The following SPICE1 variants were observed in gnomAD, a reference collection of about 807,000 sequenced individuals.
SPICE1 encodes spindle and centriole-associated protein 1.
SPICE1 carries 75 observed loss-of-function variants against 102.7 expected under a neutral mutation model. That is an observed-to-expected ratio of 0.73 (90% CI 0.61 to 0.88). SPICE1 has a LOEUF of 0.88. SPICE1 is among the 40% of genes least tolerant of loss of function. The pLI is 0.00. For missense variants in SPICE1, 979 were observed against 1,020.1 expected, an observed-to-expected ratio of 0.96 and a Z score of 0.55; for synonymous variants, 308 against 350.3, an observed-to-expected ratio of 0.88 and a Z score of 1.35.
chr3:113,488,828 A>G, intron 7 of SPICE1, 117 bp downstream of exon 7: 1 of 640,256 alleles, frequency 1.6e-6, no homozygotes, highest in Non-Finnish European at 2.7e-6. Flanking sequence ...ACCAAAATAA[A>G]CAAATTTTTA....
In SPICE1 at chr3:113,493,077, A is replaced by C. The variant is rs145979585; in HGVS notation, c.492+129T>G. The C allele has an allele frequency of 9.0e-4, 580 of 646,728 alleles. 4 individuals carry two copies. The African/African-American group carries it at 9.8e-3, about 11-fold the overall frequency. 40.1% of individuals were successfully genotyped at this position (646,728 alleles called of 1,614,324 possible). A position where few individuals can be genotyped will look rare whatever the true frequency, so the allele number is the denominator to read the frequency against. On this transcript the variant is annotated intron_variant, in intron 6 of 17. Transcript: ENST00000295872. The stretch of plus-strand genomic sequence containing the variant: ...TACTCACAGAAAGTGCAATACACTT[A>C]AGAGCAAATCTAGCAACCACAACTA...
In SPICE1 at chr3:113,459,858, G is replaced by C. The variant is rs377758830; in HGVS notation, c.1435+759C>G. Reference sequence around the variant, plus strand: ...GAGGGCGCCACTACACTCCAGCCTGGGTGACAGAGCGAAACTCCATCTCAA... The same window carrying C: ...GAGGGCGCCACTACACTCCAGCCTGCGTGACAGAGCGAAACTCCATCTCAA... On this transcript the variant is annotated intron_variant, in intron 12 of 17. Coordinates refer to ENST00000295872, the MANE Select transcript of SPICE1 (RefSeq NM_144718.4). The C allele has an allele frequency of 4.4e-5, 43 of 980,876 alleles. 1 individual carries two copies. The South Asian group carries it at 1.7e-3, about 38-fold the overall frequency. 60.8% of individuals were successfully genotyped at this position (980,876 alleles called of 1,614,324 possible). A position where few individuals can be genotyped will look rare whatever the true frequency, so the allele number is the denominator to read the frequency against.
intron 7 of SPICE1, among the ~76,000 whole-genome samples, chr3:113,482,810 T>G (rs1452006520): frequency 2.0e-5 from 3 of 152,192 alleles, no homozygotes; most frequent in Non-Finnish European, 2.9e-5. Flanking sequence ...TACTGCAGCC[T>G]TGTAGTATAG....
At chr3:113,502,093 G>C (rs2107503181) in intron 3 of SPICE1, among the ~76,000 whole-genome samples, 1 of 152,276 alleles carries the variant, frequency 6.6e-6, no homozygotes, top group Middle Eastern at 3.4e-3. Flanking sequence ...GAACTACTAT[G>C]AGCTGGGCGT....
At chr3:113,493,139 A>C in intron 6 of SPICE1, 67 bp downstream of exon 6, 1 of 1,145,904 alleles carries the variant, frequency 8.7e-7, no homozygotes, top group Non-Finnish European at 1.2e-6. Flanking sequence ...AATATTTACC[A>C]CAAGGCCTAT....
intron 15 of SPICE1, 46 bp from the exon 16 acceptor site, chr3:113,448,186 TAAAA>T: frequency 2.0e-6 from 3 of 1,486,676 alleles, no homozygotes; most frequent in Non-Finnish European, 2.7e-6. Context: ...TTCAATGAAA[TAAAA>T]ATTTCACTCA....
chr3:113,514,886 C>A lies in SPICE1; in HGVS notation c.-1+11G>T. On this transcript the variant is annotated intron_variant, in intron 1 of 17. Coordinates refer to ENST00000295872, the MANE Select transcript of SPICE1 (RefSeq NM_144718.4). ...GCACAAACATACCCAGACACGCACC[C>A]TGACACGTACTTGCACTCTCAAAAC... 2 of 1,200,574 alleles carry A rather than the reference C, an allele frequency of 1.7e-6. No individual in the cohort carries two copies. The highest frequency in any genetic ancestry group is 3.0e-5 in the South Asian group (2 of 66,988). The allele number at this position is 1,200,574 out of a possible 1,614,324, so 74.4% of individuals were successfully genotyped here. A position where few individuals can be genotyped will look rare whatever the true frequency, so the allele number is the denominator to read the frequency against.
intron 1 of SPICE1, among the ~76,000 whole-genome samples, chr3:113,508,784 G>A (rs983082344): frequency 1.3e-5 from 2 of 152,058 alleles, no homozygotes; most frequent in Non-Finnish European, 2.9e-5. Flanking sequence ...AAAAACATAC[G>A]TCCACGTAAA....
At chr3:113,469,040 C>G in intron 8 of SPICE1, 59 bp downstream of exon 8, 1 of 1,572,342 alleles carries the variant, frequency 6.4e-7, no homozygotes, top group Non-Finnish European at 8.6e-7. Flanking sequence ...AAAATTACTG[C>G]ATTCAAGAAT....
Position 113,469,889 on chromosome 3 carries a change from G to C in SPICE1, c.612-651C>G, listed in dbSNP as rs75439673. On this transcript the variant is annotated intron_variant, in intron 7 of 17. Transcript: ENST00000295872. ...TGGCTCAGCCCCTTTTGGTTTCTCT[G>C]TCCTACAAAGGAGCCTGTCCACAGA... is the stretch of plus-strand genomic sequence containing the variant. Among the ~76,000 whole-genome samples the C allele has an allele frequency of 4.7e-3, 719 of 152,122 alleles. 7 individuals carry two copies. Among genetic ancestry groups the C allele is most frequent in the African/African-American group, 0.017 (698 of 41,498 alleles).
At chr3:113,514,369 C>T (rs1937282643) in intron 1 of SPICE1, 1 of 302,496 alleles carries the variant, frequency 3.3e-6, no homozygotes, top group South Asian at 2.8e-5. Context: ...ATCAATCCTA[C>T]CTAAATACAT....
chr3:113,473,083 G>A (rs143255403), intron 7 of SPICE1, among the ~76,000 whole-genome samples: 2,582 of 152,250 alleles, frequency 0.017, 29 homozygotes, highest in Non-Finnish European at 0.027. Flanking sequence ...ATACAGAGAA[G>A]TGCTTAAAGG....
intron 16 of SPICE1, among the ~76,000 whole-genome samples, chr3:113,447,418 C>G (rs756900046): frequency 2.0e-5 from 3 of 152,132 alleles, no homozygotes; most frequent in Non-Finnish European, 4.4e-5. Flanking sequence ...TAGCTTACAT[C>G]AGGGTTCACT....
At chr3:113,499,725 CA>C in intron 3 of SPICE1, 143 bp from the exon 4 acceptor site, 1 of 777,816 alleles carries the variant, frequency 1.3e-6, no homozygotes, top group Non-Finnish European at 1.8e-6. Flanking sequence ...TATTCATAGC[CA>C]AAATTTTCAG....
At chr3:113,473,715 A>C (rs1446261570) in intron 7 of SPICE1, among the ~76,000 whole-genome samples, 1 of 151,078 alleles carries the variant, frequency 6.6e-6, no homozygotes, top group Non-Finnish European at 1.5e-5. Flanking sequence ...GAAATAAAAT[A>C]CTTTACAGAC....
At position 113,450,526 on chromosome 3, in the gene SPICE1, A is replaced by C; in HGVS notation, c.2143-10T>G. The C allele has an allele frequency of 1.9e-6, 1 of 515,094 alleles. No homozygotes were observed. The highest frequency in any genetic ancestry group is 2.8e-6 in the Non-Finnish European group (1 of 362,230). The allele number at this position is 515,094 out of a possible 1,614,324, so 31.9% of individuals were successfully genotyped here. On this transcript the variant is annotated splice_polypyrimidine_tract_variant and intron_variant, in intron 14 of 17. Transcript: ENST00000295872. ...GTGCTACTGGAAAAGTCTTTGGGAG[A>C]AAAAAAAAAAAAGTACAAATTGAAT...
rs549140678 is a variant in SPICE1 at position 113,444,684 on chromosome 3, G to A, written c.*623C>T. ...TTTGATTTGCATTACCATTATTGAT[G>A]ACATTTTCACATTTAAAAACTACAT... On this transcript the variant is annotated 3_prime_UTR_variant, in exon 18 of 18. Coordinates refer to ENST00000295872, the MANE Select transcript of SPICE1 (RefSeq NM_144718.4). The A allele has an allele frequency of 3.9e-5, 6 of 152,144 alleles. No homozygotes were observed. In the East Asian group the frequency reaches 1.2e-3, roughly 29 times the overall value. 9.4% of individuals were successfully genotyped at this position (152,144 alleles called of 1,614,324 possible). A position where few individuals can be genotyped will look rare whatever the true frequency, so the allele number is the denominator to read the frequency against.
rs7637618 is a variant in SPICE1 at position 113,457,275 on chromosome 3, G to A, written c.1518C>T (p.Pro506=). Residue 506 remains proline, a synonymous_variant, in exon 13 of 18, where the codon CCC becomes CCT. Transcript: ENST00000295872. The part of the protein sequence containing the change: ...EVAEFPQEEL[P]VKLSQVPDPP... ...GGTCTGGCACCTGAGACAGTTTAAC[G>A]GGCAACTCTTCCTGTGGGAATTCAG... 0.26 allele frequency: 412,727 copies of A among 1,613,840 alleles called. 57,321 individuals are homozygous for A. Among genetic ancestry groups the A allele is most frequent in the African/African-American group, 0.54 (40,220 of 74,906 alleles).
intron 1 of SPICE1, among the ~76,000 whole-genome samples, chr3:113,508,441 T>C (rs1937154722): frequency 1.3e-5 from 2 of 152,060 alleles, no homozygotes; most frequent in Admixed American, 1.3e-4. Flanking sequence ...AAAAATCCGA[T>C]TTAAAAATGG....
Sources: gnomAD v4.1 joint callset for allele counts (sites outside exome capture counted in the v4.1 genomes callset) on GRCh38, gnomAD v4.1.1 for gene constraint, MANE v1.5 for transcripts, NCBI Gene and HGNC (gene_info 2026-07-23, HGNC 2026-07-21) for gene names.